The following PTK2 variants were observed in gnomAD, a reference collection of about 807,000 sequenced individuals.
The protein encoded by PTK2 is protein tyrosine kinase 2, also known as focal adhesion kinase 1.
In PTK2, 45 loss-of-function variants were observed where a neutral mutation model predicts 150.1. The observed-to-expected ratio is 0.30, with a 90% CI of 0.24 to 0.38. The LOEUF (loss-of-function observed/expected upper bound fraction) is 0.38, where lower values mean the gene tolerates loss of function less well. PTK2 is among the 10% of genes least tolerant of loss of function. PTK2 has a pLI of 1.00. For synonymous variants in PTK2, 432 were observed against 449.2 expected, an observed-to-expected ratio of 0.96 and a Z score of 0.48; for missense variants, 919 against 1,307.3, an observed-to-expected ratio of 0.70 and a Z score of 4.58.
chr8:140,901,115 T>C (rs540668198), intron 2 of PTK2, among the ~76,000 whole-genome samples: 16 of 152,120 alleles, frequency 1.1e-4, no homozygotes, highest in Non-Finnish European at 2.1e-4. Flanking sequence ...TTACAACCAA[T>C]TCATTTTTGA....
intron 7 of PTK2, among the ~76,000 whole-genome samples, chr8:140,840,558 G>A (rs2100121738): frequency 6.6e-6 from 1 of 152,126 alleles, no homozygotes; most frequent in Non-Finnish European, 1.5e-5. Flanking sequence ...GGTTAGATAA[G>A]TTTAAAATCT....
At chr8:140,939,540 G>C (rs2100174935) in intron 1 of PTK2, among the ~76,000 whole-genome samples, 1 of 152,130 alleles carries the variant, frequency 6.6e-6, no homozygotes, top group Non-Finnish European at 1.5e-5. Flanking sequence ...TATCATTTGG[G>C]GTTGCACAAA....
At chr8:140,740,185 C>A (rs1016562248) in intron 20 of PTK2, among the ~76,000 whole-genome samples, 1 of 152,098 alleles carries the variant, frequency 6.6e-6, no homozygotes, top group South Asian at 2.1e-4. Flanking sequence ...AATCCCGAGT[C>A]CTTTTTTTCA....
intron 1 of PTK2, among the ~76,000 whole-genome samples, chr8:140,962,858 C>A (rs12681654): frequency 6.6e-6 from 1 of 151,448 alleles, no homozygotes; most frequent in Non-Finnish European, 1.5e-5. Context: ...CTACAAACTT[C>A]CTGGCCCTTG....
intron 14 of PTK2, among the ~76,000 whole-genome samples, chr8:140,778,406 G>A (rs575119426): frequency 1.3e-5 from 2 of 152,304 alleles, no homozygotes; most frequent in East Asian, 1.9e-4. Context: ...AGCCGAGATC[G>A]CACCACTGCA....
intron 10 of PTK2, among the ~76,000 whole-genome samples, chr8:140,809,797 C>A (rs2100100361): frequency 6.6e-6 from 1 of 152,094 alleles, no homozygotes; most frequent in Non-Finnish European, 1.5e-5. Context: ...CAGGGTGAGA[C>A]CGTGTCTCAA....
At chr8:140,899,442 T>TA (rs916972805) in intron 2 of PTK2, among the ~76,000 whole-genome samples, 1 of 152,190 alleles carries the variant, frequency 6.6e-6, no homozygotes, top group Non-Finnish European at 1.5e-5. Context: ...CTTGGACACA[T>TA]ACAACCTATC....
chr8:140,822,852 A>G (rs2100109604), intron 8 of PTK2, among the ~76,000 whole-genome samples: 1 of 152,178 alleles, frequency 6.6e-6, no homozygotes, highest in Non-Finnish European at 1.5e-5. Context: ...ATTCTGGCAA[A>G]CTCTCAAACA....
At chr8:140,853,504 T>C (rs946658829) in intron 5 of PTK2, among the ~76,000 whole-genome samples, 2 of 151,846 alleles carry the variant, frequency 1.3e-5, no homozygotes, top group African/African-American at 4.8e-5. Context: ...TCCATGTCCC[T>C]ACAAAGGACA....
chr8:140,838,250 T>C (rs1031505592), intron 7 of PTK2, among the ~76,000 whole-genome samples: 1 of 152,224 alleles, frequency 6.6e-6, no homozygotes, highest in African/African-American at 2.4e-5. Flanking sequence ...TATTCATGTA[T>C]AATTCCTTTC....
chr8:140,999,142 C>T (rs1157304074), intron 1 of PTK2, among the ~76,000 whole-genome samples: 2 of 152,134 alleles, frequency 1.3e-5, no homozygotes, highest in Non-Finnish European at 2.9e-5. Context: ...TATTCTTTGC[C>T]CCAAACCGTA....
intron 19 of PTK2, 81 bp from the exon 23 acceptor site, chr8:140,743,411 A>C: frequency 2.8e-6 from 3 of 1,055,798 alleles, no homozygotes; most frequent in Non-Finnish European, 4.2e-6. Context: ...ACATACCAAT[A>C]GGCACTTTGA....
chr8:140,967,780 T>C (rs909546784), intron 1 of PTK2, among the ~76,000 whole-genome samples: 4 of 151,950 alleles, frequency 2.6e-5, no homozygotes, highest in African/African-American at 9.7e-5. Flanking sequence ...TCTTAATCCA[T>C]ATCCTAACAA....
At chr8:140,717,932 AGGTAAGAAAAAGACAGCT>A in intron 22 of PTK2, 1 of 417,466 alleles carries the variant, frequency 2.4e-6, no homozygotes, top group East Asian at 3.8e-5. Context: ...GCACAGCCAT[AGGTAAGAAAAAGACAGCT>A]GGTAAGAAAA....
exon 9 of PTK2, chr8:140,818,902 T>C: frequency 6.2e-7 from 1 of 1,613,566 alleles, no homozygotes; most frequent in Non-Finnish European, 8.5e-7. Context: ...CTTGAAGCAT[T>C]CCTTATCAAA....
chr8:140,994,249 T>C (rs1456050954), intron 1 of PTK2, among the ~76,000 whole-genome samples: 1 of 152,204 alleles, frequency 6.6e-6, no homozygotes, highest in Non-Finnish European at 1.5e-5. Context: ...ACAGTGCCAC[T>C]AAGGCAAAAA....
chr8:140,781,385 T>C (rs1336512530), intron 14 of PTK2, among the ~76,000 whole-genome samples: 1 of 152,196 alleles, frequency 6.6e-6, no homozygotes, highest in African/African-American at 2.4e-5. Flanking sequence ...GTATACCCAA[T>C]ACTGCCAACT....
At chr8:140,846,006 A>G (rs1334472413) in intron 7 of PTK2, among the ~76,000 whole-genome samples, 1 of 151,964 alleles carries the variant, frequency 6.6e-6, no homozygotes, top group Non-Finnish European at 1.5e-5. Context: ...TTAGAAAAAA[A>G]TATCATCTTG....
At chr8:140,759,530 TAAAAAAAAAAAA>T (rs761643170) in intron 16 of PTK2, among the ~76,000 whole-genome samples, 2 of 58,064 alleles carry the variant, frequency 3.4e-5, no homozygotes, top group African/African-American at 7.9e-5. Flanking sequence ...GACCCTGTCC[TAAAAAAAAAAAA>T]AAAAAAAAAA....
Sources: gnomAD v4.1 joint callset for allele counts (sites outside exome capture counted in the v4.1 genomes callset) on GRCh38, gnomAD v4.1.1 for gene constraint, MANE v1.5 for transcripts, NCBI Gene and HGNC (gene_info 2026-07-23, HGNC 2026-07-21) for gene names.